The following DHX57 variants were observed in gnomAD, a reference collection of about 807,000 sequenced individuals.
DHX57 encodes DExH-box helicase 57.
In DHX57, 105 loss-of-function variants were observed where a neutral mutation model predicts 156.2. The observed-to-expected ratio is 0.67, with a 90% CI of 0.57 to 0.79. The LOEUF (loss-of-function observed/expected upper bound fraction) is 0.79, where lower values mean the gene tolerates loss of function less well. Ranked by LOEUF, DHX57 falls within the 30% of genes least tolerant of loss-of-function variation. DHX57 has a pLI of 0.00. For synonymous variants in DHX57, 704 were observed against 595.6 expected, an observed-to-expected ratio of 1.18 and a Z score of -2.65; for missense variants, 1,847 against 1,661.9, an observed-to-expected ratio of 1.11 and a Z score of -1.94.
Position 38,838,682 on chromosome 2 carries a change from G to A in DHX57, c.2426-735C>T, listed in dbSNP as rs753771990. The A allele has an allele frequency of 1.1e-4, 45 of 417,828 alleles. 1 individual carries two copies. The highest frequency in any genetic ancestry group is 6.9e-4 in the Middle Eastern group (2 of 2,896). The allele number at this position is 417,828 out of a possible 1,614,324, so 25.9% of individuals were successfully genotyped here. ...TAACACTAACCTATGGCAATCAATGGACAGAGACCCCAGCTTTCACCAGCA... is the reference window on the plus strand; with the variant it reads ...TAACACTAACCTATGGCAATCAATGAACAGAGACCCCAGCTTTCACCAGCA... On this transcript the variant is annotated intron_variant, in intron 12 of 23. Coordinates refer to ENST00000457308, the MANE Select transcript of DHX57 (RefSeq NM_198963.3).
intron 3 of DHX57, 133 bp downstream of exon 3, chr2:38,863,228 T>G (rs1177733966): frequency 7.6e-6 from 7 of 916,496 alleles, no homozygotes; most frequent in Non-Finnish European, 9.5e-6. Flanking sequence ...TGTATTACTC[T>G]TGGCTCACTT....
chr2:38,843,419 A>G (rs1234069796), intron 11 of DHX57, among the ~76,000 whole-genome samples: 3 of 152,216 alleles, frequency 2.0e-5, no homozygotes, highest in African/African-American at 4.8e-5. Flanking sequence ...GAGACCAGCT[A>G]AGAATTTGGA....
intron 16 of DHX57, among the ~76,000 whole-genome samples, chr2:38,823,785 G>A (rs1210940845): frequency 6.6e-6 from 1 of 152,222 alleles, no homozygotes; most frequent in Non-Finnish European, 1.5e-5. Context: ...GCCGAGGTAG[G>A]TGGATCATTT....
intron 11 of DHX57, among the ~76,000 whole-genome samples, chr2:38,845,800 T>G (rs927220547): frequency 6.6e-6 from 1 of 152,150 alleles, no homozygotes; most frequent in Non-Finnish European, 1.5e-5. Flanking sequence ...TACAGATATC[T>G]TAACACTCAG....
At chr2:38,852,125 A>C (rs1672625483) in intron 9 of DHX57, among the ~76,000 whole-genome samples, 1 of 150,026 alleles carries the variant, frequency 6.7e-6, no homozygotes, top group East Asian at 1.9e-4. Flanking sequence ...TTTCTTATTT[A>C]CTAATAATAG....
chr2:38,831,718 A>G (rs1219958681), intron 13 of DHX57, among the ~76,000 whole-genome samples: 1 of 151,584 alleles, frequency 6.6e-6, no homozygotes, highest in African/African-American at 2.4e-5. Context: ...TTAGCCGGGC[A>G]TGGTGGCGTG....
intron 12 of DHX57, among the ~76,000 whole-genome samples, chr2:38,840,121 T>G (rs114921845): frequency 5.9e-5 from 9 of 151,968 alleles, no homozygotes; most frequent in African/African-American, 2.2e-4. Flanking sequence ...ATTTAAAAAT[T>G]TTTTTAAGAG....
In DHX57 at chr2:38,818,917, T is replaced by A. The variant is rs148925710; in HGVS notation, c.3431A>T (p.Asn1144Ile). 2.2e-5 allele frequency: 36 copies of A among 1,614,176 alleles called. No individual in the cohort carries two copies. In the African/African-American group the frequency reaches 4.3e-4, roughly 19 times the overall value. Residue 1144 changes from asparagine (N) to isoleucine (I), a missense_variant, in exon 19 of 24, where the codon AAT becomes ATT. Coordinates refer to ENST00000457308, the MANE Select transcript of DHX57 (RefSeq NM_198963.3). ...STKEGVRASY[N>I]YCRQNFLSGR... ...AGACAAGAAGTTTTGTCTGCAGTAA[T>A]TATAACTTGCACGCACGCCTTCTTT...
intron 21 of DHX57, among the ~76,000 whole-genome samples, chr2:38,812,186 A>G (rs1670281889): frequency 6.6e-6 from 1 of 152,186 alleles, no homozygotes; most frequent in Admixed American, 6.5e-5. Flanking sequence ...TTACATTACT[A>G]GAGTATAATA....
chr2:38,858,825 AT>A lies in DHX57; in HGVS notation c.1422del (p.Ser475GlnfsTer16), dbSNP rs1673038435. 1 of 1,608,482 alleles carries A rather than the reference AT, an allele frequency of 6.2e-7. No homozygotes were observed. Among genetic ancestry groups the A allele is most frequent in the Admixed American group, 1.7e-5 (1 of 58,388 alleles). The stretch of plus-strand genomic sequence containing the variant: ...TCCTCATCTGACTCCTCAGATTCTG[AT>A]GCTTTTTCAACTTGAAGGAAATAAA... ...VSNQIPEVEKASESEESDEDD... is the reference protein window; with the variant it reads ...VSNQIPEVEKXSESEESDEDD... On this transcript the variant is annotated frameshift_variant, in exon 6 of 24. Coordinates refer to ENST00000457308, the MANE Select transcript of DHX57 (RefSeq NM_198963.3). LOFTEE classifies it high-confidence loss of function.
intron 1 of DHX57, among the ~76,000 whole-genome samples, 189 bp downstream of exon 1, chr2:38,875,598 C>G (rs1473605768): frequency 6.6e-6 from 1 of 151,970 alleles, no homozygotes; most frequent in African/African-American, 2.4e-5. Context: ...GGTTCGGTAT[C>G]AGGGCCTGGG....
chr2:38,873,012 G>C (rs1665423121), intron 1 of DHX57, among the ~76,000 whole-genome samples: 1 of 151,462 alleles, frequency 6.6e-6, no homozygotes, highest in African/African-American at 2.4e-5. Context: ...TTTTAAGACA[G>C]AGTCTTGCTC....
chr2:38,857,506 T>C (rs1672961457), intron 6 of DHX57, among the ~76,000 whole-genome samples: 1 of 152,258 alleles, frequency 6.6e-6, no homozygotes, highest in African/African-American at 2.4e-5. Flanking sequence ...TTTTTGTTTC[T>C]ATCATCTTAC....
Position 38,861,781 on chromosome 2 carries a change from A to G in DHX57, c.629T>C (p.Val210Ala). 2.5e-6 allele frequency: 4 copies of G among 1,614,008 alleles called. No homozygotes were observed. Among genetic ancestry groups the G allele is most frequent in the Non-Finnish European group, 3.4e-6 (4 of 1,179,952 alleles). ...AAGGAGATGCTCTAGTGATGCTCCC[A>G]CATCTCCATCACACATCCTCAGGAC... Reference protein sequence around the residue: ...QAVLRMCDGDVGASLEHLLTQ... With the variant: ...QAVLRMCDGDAGASLEHLLTQ... The change falls in exon 5 of 24, where the codon GTG becomes GCG. Residue 210 changes from valine to alanine, a missense_variant. Coordinates refer to ENST00000457308, the MANE Select transcript of DHX57 (RefSeq NM_198963.3).
chr2:38,869,000 C>T (rs1239483593), intron 1 of DHX57, among the ~76,000 whole-genome samples: 1 of 152,116 alleles, frequency 6.6e-6, no homozygotes, highest in Non-Finnish European at 1.5e-5. Flanking sequence ...TGGGATTTCA[C>T]CATGTTGGCC....
In DHX57 at chr2:38,822,145, C is replaced by T. The variant is rs563076845; in HGVS notation, c.3291+848G>A. Among the ~76,000 whole-genome samples the T allele has an allele frequency of 9.0e-4, 137 of 152,126 alleles. 1 individual carries two copies. Among genetic ancestry groups the T allele is most frequent in the African/African-American group, 3.1e-3 (128 of 41,478 alleles). ...TGTTGCCCAGGCTGGAGTGCAATGG[C>T]GCGACTGGCTCATTGCAACCTCTGC... On this transcript the variant is annotated intron_variant, in intron 17 of 23. Coordinates refer to ENST00000457308, the MANE Select transcript of DHX57 (RefSeq NM_198963.3).
At chr2:38,866,527 C>T (rs949103813) in intron 2 of DHX57, among the ~76,000 whole-genome samples, 10 of 152,186 alleles carry the variant, frequency 6.6e-5, no homozygotes, top group Non-Finnish European at 4.4e-5. Flanking sequence ...CTTTATTTCT[C>T]TCCATAGCAT....
intron 13 of DHX57, among the ~76,000 whole-genome samples, chr2:38,836,775 CAAAAAAAAA>C (rs964200602): frequency 4.7e-5 from 2 of 42,466 alleles, no homozygotes; most frequent in African/African-American, 1.6e-4. Context: ...GACCCTGTCT[CAAAAAAAAA>C]AAAAAAAAAA....
At chr2:38,831,322 CT>C (rs11348384) in intron 13 of DHX57, among the ~76,000 whole-genome samples, 86,245 of 116,802 alleles carry the variant, frequency 0.74, 31,519 homozygotes, top group East Asian at 0.94. Flanking sequence ...TTCTTTATTT[CT>C]TTTTTTTTTT....
Sources: gnomAD v4.1 joint callset for allele counts (sites outside exome capture counted in the v4.1 genomes callset) on GRCh38, gnomAD v4.1.1 for gene constraint, MANE v1.5 for transcripts, NCBI Gene and HGNC (gene_info 2026-07-23, HGNC 2026-07-21) for gene names.